Variants in RPL31 observed in about 807,000 individuals in gnomAD.
RPL31 encodes the protein large ribosomal subunit protein eL31.
For missense variants in RPL31, 95 were observed against 164.0 expected, an observed-to-expected ratio of 0.58 and a Z score of 2.30; for synonymous variants, 51 against 55.0, an observed-to-expected ratio of 0.93 and a Z score of 0.32.
At chr2:101,018,292 G>A (rs1055341680) in intron 4 of RPL31, 1 of 178,972 alleles carries the variant, frequency 5.6e-6, no homozygotes, top group African/African-American at 2.4e-5. Flanking sequence ...ATCAGTATGT[G>A]TTAATATAAT....
chr2:101,005,198 A>G (rs190019197), intron 3 of RPL31: 1 of 152,444 alleles, frequency 6.6e-6, no homozygotes, highest in African/African-American at 2.4e-5. Context: ...AATACCCGGC[A>G]TCGATAGAGG....
downstream of RPL31, among the ~76,000 whole-genome samples, chr2:101,009,737 G>A (rs1013857983): frequency 1.3e-5 from 2 of 151,736 alleles, no homozygotes; most frequent in African/African-American, 4.8e-5. Flanking sequence ...AGAAAAAAAA[G>A]ACTGAGAAAC....
chr2:101,007,924 T>G, downstream of RPL31: 1 of 1,614,052 alleles, frequency 6.2e-7, no homozygotes, highest in Non-Finnish European at 8.5e-7. Context: ...GGATTTCATG[T>G]CCAGTGGCTT....
intron 3 of RPL31, chr2:101,005,745 C>T (rs186662055): frequency 1.8e-6 from 1 of 568,514 alleles, no homozygotes; most frequent in African/African-American, 1.9e-5. Context: ...GCTACCTTAA[C>T]ATGTCTTCAA....
chr2:101,007,982 T>G, downstream of RPL31: 1 of 1,614,024 alleles, frequency 6.2e-7, no homozygotes, highest in South Asian at 1.1e-5. Context: ...GAAGCTAAAA[T>G]ATGTTCAAGG....
intron 4 of RPL31, chr2:101,018,160 T>C (rs1489498346): frequency 2.1e-6 from 1 of 470,846 alleles, no homozygotes; most frequent in Non-Finnish European, 3.8e-6. Flanking sequence ...ATACAGATAT[T>C]GCTGTACTAA....
chr2:101,011,594 T>G (rs1418501155), downstream of RPL31: 2 of 1,580,184 alleles, frequency 1.3e-6, no homozygotes, highest in Non-Finnish European at 1.7e-6. Context: ...TTACCAAAAC[T>G]GACAGTAATG....
At chr2:101,002,543 G>T in intron 1 of RPL31, 159 bp from the exon 2 acceptor site, 1 of 640,088 alleles carries the variant, frequency 1.6e-6, no homozygotes, top group Non-Finnish European at 2.8e-6. Context: ...TCTGAGGGGC[G>T]CAGGGGCGCG....
rs539465799 is a variant in RPL31, at chr2:101,006,208, T to C, written c.346+137T>C. 18 of 1,510,284 alleles carry C rather than the reference T, an allele frequency of 1.2e-5. No individual in the cohort carries two copies. The South Asian group carries it at 2.4e-4, about 20-fold the overall frequency. 93.6% of individuals were successfully genotyped at this position (1,510,284 alleles called of 1,614,324 possible). A position where few individuals can be genotyped will look rare whatever the true frequency, so the allele number is the denominator to read the frequency against. ...TTAAATTGTTGGTGTGGGAAGATGC[T>C]AAAGAATGCAAAACTGATCCATATC... On this transcript the variant is annotated intron_variant, in intron 4 of 4. Coordinates refer to ENST00000264258, the MANE Select transcript of RPL31 (RefSeq NM_000993.5).
rs1272312296 is a variant in RPL31 at position 101,006,338 on chromosome 2, C to T, written c.347-12C>T. On this transcript the variant is annotated splice_polypyrimidine_tract_variant and intron_variant, in intron 4 of 4. Coordinates refer to ENST00000264258, the MANE Select transcript of RPL31 (RefSeq NM_000993.5). ...ATGTGGGTATGGAAATTGACTGTTA[C>T]TTCCTTTACAGATCTACAGACAGTC... 6.2e-7 allele frequency: 1 copy of T among 1,608,974 alleles called. No homozygotes were observed. The highest frequency in any genetic ancestry group is 1.1e-5 in the South Asian group (1 of 89,782).
intron 4 of RPL31, chr2:101,018,081 A>C: frequency 4.2e-6 from 3 of 716,172 alleles, no homozygotes; most frequent in East Asian, 2.8e-5. Flanking sequence ...GGCTAATGGG[A>C]CTAGATTTTG....
chr2:101,008,335 T>A (rs528889571), downstream of RPL31: 757 of 1,264,956 alleles, frequency 6.0e-4, 3 homozygotes, highest in Admixed American at 9.8e-4. Context: ...TTTTTTTTTT[T>A]AAACATACCT....
chr2:101,004,747 C>T lies in RPL31; in HGVS notation c.233+464C>T, dbSNP rs530118736. ...TGTTTTTTGTCACTACTGAGGGATACTGTGGGCCAGGGACTACTAAACATC... is the reference window on the plus strand; with the variant it reads ...TGTTTTTTGTCACTACTGAGGGATATTGTGGGCCAGGGACTACTAAACATC... On this transcript the variant is annotated intron_variant, in intron 3 of 4. Transcript: ENST00000264258. The T allele has an allele frequency of 5.8e-4, 97 of 166,180 alleles. 1 individual carries two copies. The South Asian group carries it at 0.011, about 20-fold the overall frequency. The allele number at this position is 166,180 out of a possible 1,614,324, so 10.3% of individuals were successfully genotyped here.
At chr2:101,011,623 A>C, downstream of RPL31, 1 of 1,450,444 alleles carries the variant, frequency 6.9e-7, no homozygotes, top group Non-Finnish European at 9.6e-7. Flanking sequence ...TAGGCAACTA[A>C]AGGCTAAGCC....
At chr2:101,013,455 C>G (rs1242351958) in intron 4 of RPL31, among the ~76,000 whole-genome samples, 1 of 152,210 alleles carries the variant, frequency 6.6e-6, no homozygotes, top group Non-Finnish European at 1.5e-5. Flanking sequence ...AATGGATTGA[C>G]AGACAATTTC....
intron 4 of RPL31, among the ~76,000 whole-genome samples, chr2:101,016,584 A>G (rs1462621154): frequency 6.6e-6 from 1 of 152,162 alleles, no homozygotes; most frequent in African/African-American, 2.4e-5. Context: ...GTATACACCC[A>G]AAGGACTATA....
At chr2:101,019,027 A>G in exon 5 of RPL31, 1 of 1,612,110 alleles carries the variant, frequency 6.2e-7, no homozygotes, top group South Asian at 1.1e-5. Context: ...TACAGTCGCC[A>G]AGAGCCCATA....
chr2:101,011,394 G>C, downstream of RPL31: 2 of 1,563,420 alleles, frequency 1.3e-6, no homozygotes, highest in Admixed American at 1.7e-5. Context: ...CAACCCCGGT[G>C]CCTCCCGCCA....
chr2:101,008,689 G>A (rs922233926), downstream of RPL31, among the ~76,000 whole-genome samples: 2 of 152,112 alleles, frequency 1.3e-5, no homozygotes, highest in African/African-American at 4.8e-5. Context: ...ACCCATGCCT[G>A]CAATCCCAGC....
Sources: gnomAD v4.1 joint callset for allele counts (sites outside exome capture counted in the v4.1 genomes callset) on GRCh38, gnomAD v4.1.1 for gene constraint, MANE v1.5 for transcripts, NCBI Gene and HGNC (gene_info 2026-07-23, HGNC 2026-07-21) for gene names.